KCTD1: variants seen among roughly 807,000 people sequenced by gnomAD.
KCTD1 encodes the protein potassium channel tetramerization domain containing 1, also known as BTB/POZ domain-containing protein KCTD1.
In KCTD1, 24 loss-of-function variants were observed where a neutral mutation model predicts 66.0. The observed-to-expected ratio is 0.36, with a 90% CI of 0.26 to 0.51. The LOEUF is 0.51. Ranked by LOEUF, KCTD1 falls within the 20% of genes least tolerant of loss-of-function variation. The pLI is 0.95. For missense variants in KCTD1, 943 were observed against 1,205.2 expected, an observed-to-expected ratio of 0.78 and a Z score of 3.22; for synonymous variants, 511 against 517.2, an observed-to-expected ratio of 0.99 and a Z score of 0.16.
At chr18:26,510,722 G>A (rs1435326727) in intron 1 of KCTD1, among the ~76,000 whole-genome samples, 1 of 152,042 alleles carries the variant, frequency 6.6e-6, no homozygotes, top group Non-Finnish European at 1.5e-5. Flanking sequence ...ATAGAATTTC[G>A]CATGTTTTTT....
intron 1 of KCTD1, among the ~76,000 whole-genome samples, chr18:26,624,295 A>G (rs763326909): frequency 2.0e-5 from 3 of 152,204 alleles, no homozygotes; most frequent in Non-Finnish European, 2.9e-5. Flanking sequence ...CACCAAGACA[A>G]TGGGGAAAAT....
At chr18:26,556,431 T>C (rs1317781932) in intron 1 of KCTD1, among the ~76,000 whole-genome samples, 1 of 152,124 alleles carries the variant, frequency 6.6e-6, no homozygotes, top group East Asian at 1.9e-4. Context: ...GTAAAAACAA[T>C]CTCCCCTGAC....
chr18:26,531,987 G>C (rs1984455283), intron 1 of KCTD1, among the ~76,000 whole-genome samples: 4 of 152,312 alleles, frequency 2.6e-5, no homozygotes, highest in Non-Finnish European at 5.9e-5. Flanking sequence ...AGAAAGGCCT[G>C]ATTTCTTGAC....
chr18:26,517,045 C>T (rs1983686352), intron 1 of KCTD1, among the ~76,000 whole-genome samples: 1 of 152,158 alleles, frequency 6.6e-6, no homozygotes, highest in Admixed American at 6.5e-5. Flanking sequence ...TGCAGTCACC[C>T]TGCACAGTAA....
At chr18:26,618,038 C>T (rs1384562626) in intron 1 of KCTD1, among the ~76,000 whole-genome samples, 2 of 149,052 alleles carry the variant, frequency 1.3e-5, no homozygotes, top group East Asian at 2.0e-4. Flanking sequence ...TGCCCAGTTA[C>T]GAAGGCAGTG....
At position 26,547,717 on chromosome 18, in the gene KCTD1, C is replaced by T; in HGVS notation, c.820G>A (p.Gly274Ser). 2 of 1,548,856 alleles carry T rather than the reference C, an allele frequency of 1.3e-6. No homozygotes were observed. The highest frequency in any genetic ancestry group is 1.7e-6 in the Non-Finnish European group (2 of 1,146,814). The change falls in exon 1 of 5, where the codon GGC becomes AGC. Residue 274 changes from glycine to serine, a missense_variant. Gly to Ser is a moderately conservative substitution (Grantham distance 56). Transcript: ENST00000580059. Reference protein sequence around the residue: ...AAVIRKLEEQGAGPVVQKQAI... With the variant: ...AAVIRKLEEQSAGPVVQKQAI... Reference sequence around the variant, plus strand: ...TGCTTCTGCACCACCGGCCCGGCGCCCTGCTCCTCGAGCTTGCGGATGACC... The same window carrying T: ...TGCTTCTGCACCACCGGCCCGGCGCTCTGCTCCTCGAGCTTGCGGATGACC...
At chr18:26,651,799 A>AAGAAGAAGAAGAAGAAG (rs1555649804) in intron 1 of KCTD1, among the ~76,000 whole-genome samples, 1 of 117,116 alleles carries the variant, frequency 8.5e-6, no homozygotes, top group Non-Finnish European at 1.7e-5. Flanking sequence ...AAAAAAAAAA[A>AAGAAGAAGAAGAAGAAG]AAGAAGAAGA....
upstream of KCTD1, among the ~76,000 whole-genome samples, chr18:26,640,604 A>G (rs1162153823): frequency 1.3e-5 from 2 of 152,116 alleles, no homozygotes; most frequent in Non-Finnish European, 2.9e-5. Context: ...GGAGGGATTG[A>G]GGGAAAGAAA....
intron 1 of KCTD1, among the ~76,000 whole-genome samples, chr18:26,522,691 G>C (rs1784531539): frequency 6.6e-6 from 1 of 152,066 alleles, no homozygotes; most frequent in African/African-American, 2.4e-5. Context: ...TCTGAACAGC[G>C]AATCTGCTTG....
intron 1 of KCTD1, among the ~76,000 whole-genome samples, chr18:26,530,463 G>A (rs1168786378): frequency 2.0e-5 from 3 of 152,182 alleles, no homozygotes; most frequent in Admixed American, 2.0e-4. Context: ...TGAAAGTCTA[G>A]ATGTGGTGAA....
chr18:26,544,270 A>G (rs1336080191), intron 1 of KCTD1: 1 of 152,238 alleles, frequency 6.6e-6, no homozygotes, highest in East Asian at 1.9e-4. Context: ...GCAATCACAC[A>G]TTCCATAATC....
chr18:26,619,197 C>T (rs1207281965), intron 1 of KCTD1, among the ~76,000 whole-genome samples: 2 of 152,168 alleles, frequency 1.3e-5, no homozygotes, highest in African/African-American at 4.8e-5. Flanking sequence ...CAAGTTTCTT[C>T]TATACAGGAG....
At chr18:26,619,670 T>A (rs896865875) in intron 1 of KCTD1, among the ~76,000 whole-genome samples, 4 of 152,196 alleles carry the variant, frequency 2.6e-5, no homozygotes, top group Non-Finnish European at 5.9e-5. Flanking sequence ...CAATGGGACC[T>A]GAGGAGACAT....
At chr18:26,584,096 T>C (rs1986418497) in intron 1 of KCTD1, among the ~76,000 whole-genome samples, 2 of 152,186 alleles carry the variant, frequency 1.3e-5, no homozygotes, top group African/African-American at 4.8e-5. Context: ...TTGAAGTCAT[T>C]TCTTATATGA....
intron 1 of KCTD1, among the ~76,000 whole-genome samples, chr18:26,512,986 A>AT (rs1567975046): frequency 6.6e-6 from 1 of 152,004 alleles, no homozygotes; most frequent in Non-Finnish European, 1.5e-5. Context: ...CTCAAAAAAA[A>AT]ATTTTTTTTT....
At chr18:26,461,382 C>T (rs1259501035) in intron 3 of KCTD1, among the ~76,000 whole-genome samples, 1 of 152,200 alleles carries the variant, frequency 6.6e-6, no homozygotes, top group Non-Finnish European at 1.5e-5. Context: ...TCCTGGCAAC[C>T]CCCTTACCAC....
chr18:26,549,152 C>A, upstream of KCTD1: 2 of 985,100 alleles, frequency 2.0e-6, no homozygotes, highest in Non-Finnish European at 2.4e-6. Flanking sequence ...CACGGCGAGG[C>A]CCCGCACCCT....
At chr18:26,582,398 GT>G (rs1986375929) in intron 1 of KCTD1, among the ~76,000 whole-genome samples, 1 of 152,132 alleles carries the variant, frequency 6.6e-6, no homozygotes, top group Non-Finnish European at 1.5e-5. Flanking sequence ...AACTAAATGA[GT>G]TATTGTTTTT....
intron 2 of KCTD1, among the ~76,000 whole-genome samples, chr18:26,491,619 T>C (rs1192128597): frequency 6.6e-6 from 1 of 152,204 alleles, no homozygotes; most frequent in Non-Finnish European, 1.5e-5. Context: ...CAGAAAATGA[T>C]GGTGCCATAT....
Sources: allele counts gnomAD v4.1 joint callset (sites outside exome capture counted in the v4.1 genomes callset), GRCh38; gene constraint gnomAD v4.1.1; transcripts MANE v1.5; gene names NCBI Gene and HGNC (gene_info 2026-07-23, HGNC 2026-07-21).